The following HK2 variants were observed in gnomAD, a reference collection of about 807,000 sequenced individuals.
HK2 encodes the protein hexokinase-2.
A neutral mutation model predicts 92.9 loss-of-function variants in HK2; 42 were observed. The observed-to-expected ratio is 0.45, with a 90% CI of 0.35 to 0.58. HK2 has a LOEUF of 0.58. Ranked by LOEUF, HK2 falls within the 20% of genes least tolerant of loss-of-function variation. HK2 has a pLI of 0.00. For missense variants in HK2, 978 were observed against 1,245.1 expected, an observed-to-expected ratio of 0.79 and a Z score of 3.23; for synonymous variants, 422 against 468.0, an observed-to-expected ratio of 0.90 and a Z score of 1.27.
chr2:74,885,648 G>A, intron 13 of HK2, 59 bp downstream of exon 13: 1 of 1,149,046 alleles, frequency 8.7e-7, no homozygotes, highest in Non-Finnish European at 1.3e-6. Context: ...GGCCTGGTCT[G>A]TGTGTTCAGA....
chr2:74,885,801 T>C (rs539616898), intron 13 of HK2, among the ~76,000 whole-genome samples: 5 of 151,392 alleles, frequency 3.3e-5, no homozygotes, highest in African/African-American at 7.3e-5. Flanking sequence ...AGCTTTGTTC[T>C]ATAAAGTCCA....
At position 74,881,833 on chromosome 2, in the gene HK2, G is replaced by C; in HGVS notation, c.1693G>C (p.Glu565Gln). 1.2e-6 allele frequency: 2 copies of C among 1,614,232 alleles called. No individual in the cohort carries two copies. The highest frequency in any genetic ancestry group is 1.7e-6 in the Non-Finnish European group (2 of 1,180,026). Residue 565 changes from glutamate (E) to glutamine (Q), a missense_variant, in exon 11 of 18, where the codon GAG (glutamate) becomes CAG (glutamine). Around this residue, in one of 3 missense-constraint regions of HK2, gnomAD observed 742 missense variants for 922.5 expected, o/e 0.80. Coordinates refer to ENST00000290573, the MANE Select transcript of HK2 (RefSeq NM_000189.5). ...CAACAAGATCTACGCCATCCCGCAGGAGGTCATGCACGGCACCGGGGACGA... is the reference window on the plus strand; with the variant it reads ...CAACAAGATCTACGCCATCCCGCAGCAGGTCATGCACGGCACCGGGGACGA... ...MHNKIYAIPQ[E>Q]VMHGTGDELF...
intron 13 of HK2, 73 bp from the exon 14 acceptor site, chr2:74,886,221 C>A: frequency 9.6e-7 from 1 of 1,040,284 alleles, no homozygotes; most frequent in Non-Finnish European, 1.5e-6. Flanking sequence ...ACCTGTAAAT[C>A]TCCCATGCAA....
chr2:74,878,621 C>A, intron 8 of HK2, 67 bp from the exon 9 acceptor site: 1 of 1,289,022 alleles, frequency 7.8e-7, no homozygotes, highest in South Asian at 1.3e-5. Flanking sequence ...TCCTTGCCAC[C>A]CCCCGACACA....
At chr2:74,878,070 T>C (rs1381261915) in intron 8 of HK2, among the ~76,000 whole-genome samples, 1 of 152,172 alleles carries the variant, frequency 6.6e-6, no homozygotes, top group Non-Finnish European at 1.5e-5. Context: ...GTGATGCAAG[T>C]ACCCCAAGGT....
At chr2:74,873,795 T>G in intron 5 of HK2, 49 bp from the exon 6 acceptor site, 1 of 1,268,788 alleles carries the variant, frequency 7.9e-7, no homozygotes, top group Non-Finnish European at 1.2e-6. Flanking sequence ...GTTAGGAAAG[T>G]CGCCCTCTGT....
At chr2:74,867,987 TA>T in intron 3 of HK2, 1 of 603,076 alleles carries the variant, frequency 1.7e-6, no homozygotes, top group Non-Finnish European at 3.0e-6. Flanking sequence ...TACTCAGTAT[TA>T]AAAGGAGTGA....
chr2:74,855,242 G>T (rs1248428586), intron 2 of HK2, among the ~76,000 whole-genome samples: 2 of 152,144 alleles, frequency 1.3e-5, no homozygotes, highest in Admixed American at 1.3e-4. Context: ...TGATCCGCCC[G>T]CTTCAGCCTC....
chr2:74,869,028 A>G (rs569450150), intron 3 of HK2, among the ~76,000 whole-genome samples: 12 of 152,332 alleles, frequency 7.9e-5, no homozygotes, highest in African/African-American at 2.6e-4. Context: ...TCTTCTTGAA[A>G]AAAGCTTAAA....
At chr2:74,877,920 A>G (rs28363023) in intron 8 of HK2, among the ~76,000 whole-genome samples, 3,192 of 152,308 alleles carry the variant, frequency 0.021, 128 homozygotes, top group African/African-American at 0.073. Context: ...TGTAGATTGA[A>G]GAAGTCCTGG....
chr2:74,870,857 CTGT>C (rs149893369), intron 3 of HK2, among the ~76,000 whole-genome samples: 2 of 152,284 alleles, frequency 1.3e-5, no homozygotes, highest in East Asian at 1.9e-4. Flanking sequence ...TCAGCCTCAG[CTGT>C]TGTTAACTTT....
At chr2:74,873,186 A>C (rs1689139869) in intron 4 of HK2, 90 bp from the exon 5 acceptor site, 2 of 938,332 alleles carry the variant, frequency 2.1e-6, no homozygotes, top group Admixed American at 1.7e-5. Context: ...CCAGTGGCAG[A>C]GGTCTCTGCT....
chr2:74,841,529 G>C (rs538554425), intron 1 of HK2, among the ~76,000 whole-genome samples: 1 of 152,284 alleles, frequency 6.6e-6, no homozygotes, highest in South Asian at 2.1e-4. Context: ...AGTAGCCCTA[G>C]TTGGGATCAG....
rs773974782 is a variant in HK2 at position 74,873,932 on chromosome 2, G to A, written c.680G>A (p.Gly227Asp). Residue 227 changes from glycine (G) to aspartate (D), a missense_variant, in exon 6 of 18, where the codon GGT becomes GAT. Physicochemically the swap from Gly to Asp is moderately conservative, Grantham distance 94. Coordinates refer to ENST00000290573, the MANE Select transcript of HK2 (RefSeq NM_000189.5). ...CGYDDHNCEI[G>D]LIVGTGSNAC... ...TATGATGACCACAACTGTGAGATTG[G>A]TCTCATTGTGGGTGAGTGAACACCG... is the stretch of plus-strand genomic sequence containing the variant. 3.1e-6 allele frequency: 5 copies of A among 1,612,924 alleles called. No individual in the cohort carries two copies. Among genetic ancestry groups the A allele is most frequent in the Non-Finnish European group, 4.2e-6 (5 of 1,178,924 alleles).
At chr2:74,849,708 A>AGG (rs796924444) in intron 1 of HK2, among the ~76,000 whole-genome samples, 2 of 152,116 alleles carry the variant, frequency 1.3e-5, no homozygotes, top group South Asian at 2.1e-4. Flanking sequence ...GTGGAAGGAA[A>AGG]GGGGGGGTGA....
At chr2:74,854,823 C>T (rs939975193) in intron 2 of HK2, among the ~76,000 whole-genome samples, 10 of 152,166 alleles carry the variant, frequency 6.6e-5, no homozygotes, top group South Asian at 4.1e-4. Context: ...AACTGTAGGC[C>T]GTGGGAGCCG....
intron 1 of HK2, among the ~76,000 whole-genome samples, chr2:74,849,065 T>A: frequency 6.6e-6 from 1 of 152,220 alleles, no homozygotes. Flanking sequence ...AAGTGGAGCC[T>A]CCATGAATGT....
rs567529327 is a variant in HK2, at chr2:74,887,297, C to T, written c.2220-606C>T. ...AGGCAGGCAACATTAATGAAGGAAG[C>T]AGGCTGGGTCAAGATAAGATGGGGT... On this transcript the variant is annotated intron_variant, in intron 15 of 17. Coordinates refer to ENST00000290573, the MANE Select transcript of HK2 (RefSeq NM_000189.5). Among the ~76,000 whole-genome samples the T allele has an allele frequency of 5.9e-5, 9 of 152,158 alleles. No homozygotes were observed. In the South Asian group the frequency reaches 1.9e-3, roughly 32 times the overall value.
At chr2:74,883,282 A>G (rs1689445985) in intron 12 of HK2, among the ~76,000 whole-genome samples, 1 of 152,204 alleles carries the variant, frequency 6.6e-6, no homozygotes, top group South Asian at 2.1e-4. Flanking sequence ...TCAGAAAAGG[A>G]AGAGCTGCTG....
Sources: allele counts gnomAD v4.1 joint callset (sites outside exome capture counted in the v4.1 genomes callset), GRCh38; gene constraint gnomAD v4.1.1; regional missense constraint gnomAD v4.1.1; transcripts MANE v1.5; gene names NCBI Gene and HGNC (gene_info 2026-07-23, HGNC 2026-07-21).